TNRC6A: variants seen among roughly 807,000 people sequenced by gnomAD.
TNRC6A encodes trinucleotide repeat-containing gene 6A protein.
TNRC6A carries 44 observed loss-of-function variants against 221.2 expected under a neutral mutation model. The ratio of observed to expected loss-of-function variants is 0.20; its 90% CI spans 0.16 to 0.26. TNRC6A has a LOEUF of 0.26. Ranked by LOEUF, TNRC6A falls within the 10% of genes least tolerant of loss-of-function variation. TNRC6A has a pLI of 1.00. For synonymous variants in TNRC6A, 847 were observed against 838.5 expected (o/e 1.01, Z -0.18); for missense variants, 2,199 against 2,404.4 (o/e 0.91, Z 1.79).
intron 13 of TNRC6A, 59 bp from the exon 14 acceptor site, chr16:24,804,955 T>C: frequency 6.2e-7 from 1 of 1,614,070 alleles, no homozygotes; most frequent in South Asian, 1.1e-5. Context: ...TACAGTGTGG[T>C]AATGAGATGT....
At chr16:24,774,173 A>G (rs1048297842) in intron 4 of TNRC6A, among the ~76,000 whole-genome samples, 1 of 152,224 alleles carries the variant, frequency 6.6e-6, no homozygotes, top group East Asian at 1.9e-4. Context: ...TTAACTACAC[A>G]TAAACCATGC....
intron 5 of TNRC6A, among the ~76,000 whole-genome samples, chr16:24,779,740 A>G (rs913653837): frequency 6.6e-6 from 1 of 152,226 alleles, no homozygotes; most frequent in Non-Finnish European, 1.5e-5. Context: ...TAGCCCAGAA[A>G]CACAAACATT....
intron 4 of TNRC6A, among the ~76,000 whole-genome samples, chr16:24,761,769 G>C (rs746170045): frequency 6.6e-6 from 1 of 151,940 alleles, no homozygotes; most frequent in Admixed American, 6.6e-5. Flanking sequence ...AGACTCACAC[G>C]ATCTTCCTGC....
chr16:24,651,616 TG>T (rs1347617772), intron 2 of TNRC6A, among the ~76,000 whole-genome samples: 1 of 150,562 alleles, frequency 6.6e-6, no homozygotes, highest in Non-Finnish European at 1.5e-5. Context: ...CCCAGCACTT[TG>T]GGAGGCCATA....
At chr16:24,751,392 A>C (rs927215687) in intron 3 of TNRC6A, among the ~76,000 whole-genome samples, 2 of 152,206 alleles carry the variant, frequency 1.3e-5, no homozygotes, top group Non-Finnish European at 2.9e-5. Flanking sequence ...ATTAGCCTTA[A>C]AATAAACCTC....
chr16:24,712,375 T>A (rs1318746760), intron 2 of TNRC6A, among the ~76,000 whole-genome samples: 2 of 152,204 alleles, frequency 1.3e-5, no homozygotes, highest in African/African-American at 4.8e-5. Context: ...CTTATCATAG[T>A]CTACCCTTAA....
intron 5 of TNRC6A, among the ~76,000 whole-genome samples, chr16:24,780,078 G>T (rs142424056): frequency 6.6e-6 from 1 of 152,120 alleles, no homozygotes; most frequent in Non-Finnish European, 1.5e-5. Context: ...GAAGGCTTTG[G>T]GGGGATGACT....
intron 2 of TNRC6A, among the ~76,000 whole-genome samples, chr16:24,720,948 G>A (rs12599340): frequency 0.058 from 8,691 of 151,136 alleles, 727 homozygotes; most frequent in East Asian, 0.36. Context: ...CCAGCCACTC[G>A]GGAAGCTGAG....
chr16:24,648,850 C>T (rs1182055456), intron 2 of TNRC6A, among the ~76,000 whole-genome samples: 4 of 152,142 alleles, frequency 2.6e-5, no homozygotes, highest in African/African-American at 9.7e-5. Flanking sequence ...TAGTTTCCAC[C>T]TTATTCTCAT....
intron 4 of TNRC6A, chr16:24,776,222 C>T (rs2057715163): frequency 4.1e-6 from 4 of 972,788 alleles, no homozygotes; most frequent in Non-Finnish European, 4.9e-6. Context: ...TCTTTCTTTC[C>T]ACTCTTTTAT....
chr16:24,617,754 C>T (rs945449635), intron 1 of TNRC6A, among the ~76,000 whole-genome samples: 1 of 152,150 alleles, frequency 6.6e-6, no homozygotes, highest in African/African-American at 2.4e-5. Context: ...GTTATCTCTC[C>T]TCTGTTCTTC....
intron 2 of TNRC6A, among the ~76,000 whole-genome samples, chr16:24,716,559 C>T (rs535219407): frequency 6.6e-6 from 1 of 152,160 alleles, no homozygotes; most frequent in Admixed American, 6.5e-5. Context: ...GTCCCAGCTA[C>T]TTGGGGAGCT....
chr16:24,725,817 T>C (rs1171860923), upstream of TNRC6A, among the ~76,000 whole-genome samples: 1 of 151,642 alleles, frequency 6.6e-6, no homozygotes, highest in Non-Finnish European at 1.5e-5. Flanking sequence ...CTGGCCAACA[T>C]GGTGAAACCC....
At chr16:24,653,966 G>A (rs955521973) in intron 2 of TNRC6A, among the ~76,000 whole-genome samples, 6 of 152,124 alleles carry the variant, frequency 3.9e-5, no homozygotes, top group African/African-American at 4.8e-5. Context: ...GTGCAGTGGC[G>A]CAATCATAGC....
chr16:24,694,424 G>A (rs1312966975), intron 2 of TNRC6A, among the ~76,000 whole-genome samples: 5 of 151,698 alleles, frequency 3.3e-5, no homozygotes, highest in Admixed American at 6.6e-5. Flanking sequence ...GGGAGGCCGA[G>A]GCCGGTGGAT....
In TNRC6A at chr16:24,750,760, G is replaced by A. The variant is rs755894168; in HGVS notation, c.88G>A (p.Glu30Lys). The A allele has an allele frequency of 6.4e-7, 1 of 1,560,652 alleles. No homozygotes were observed. The highest frequency in any genetic ancestry group is 2.0e-5 in the Admixed American group (1 of 50,870). ...GCAAGAAGAAGAACAGTTGATGGAA[G>A]AAAAGAAAAAGAAAAAAGACGACAA... ...LVQEEEQLMEEKKKKKDDKKK... is the reference protein window; with the variant it reads ...LVQEEEQLMEKKKKKKDDKKK... Residue 30 changes from glutamate (E) to lysine (K), a missense_variant, in exon 3 of 25, where the codon GAA becomes AAA. Transcript: ENST00000395799.
At chr16:24,654,297 G>C (rs992935436) in intron 2 of TNRC6A, among the ~76,000 whole-genome samples, 1 of 152,194 alleles carries the variant, frequency 6.6e-6, no homozygotes, top group Non-Finnish European at 1.5e-5. Flanking sequence ...ATGCCAGAAT[G>C]CATAATCAAA....
intron 2 of TNRC6A, among the ~76,000 whole-genome samples, chr16:24,703,868 G>A (rs1399681946): frequency 6.6e-6 from 1 of 151,964 alleles, no homozygotes; most frequent in East Asian, 1.9e-4. Flanking sequence ...CAGATCACCT[G>A]AGGTCAGGAG....
At position 24,825,480 on chromosome 16, in the gene TNRC6A, G is replaced by T. The variant is rs1425718331; in HGVS notation, c.*1673G>T. On this transcript the variant is annotated 3_prime_UTR_variant, in exon 25 of 25. Coordinates refer to ENST00000395799, the MANE Select transcript of TNRC6A (RefSeq NM_014494.4). Reference sequence around the variant, plus strand: ...TCAACATTAATTGTCTCCTTTTTGTGAATTTATTTGTAGGCTCTTTTTTAT... The same window carrying T: ...TCAACATTAATTGTCTCCTTTTTGTTAATTTATTTGTAGGCTCTTTTTTAT... The T allele has an allele frequency of 1.3e-5, 2 of 152,600 alleles. No homozygotes were observed. The highest frequency in any genetic ancestry group is 4.8e-5 in the African/African-American group (2 of 41,428). The allele number at this position is 152,600 out of a possible 1,614,324, so 9.5% of individuals were successfully genotyped here.
Sources: allele counts gnomAD v4.1 joint callset (sites outside exome capture counted in the v4.1 genomes callset), GRCh38; gene constraint gnomAD v4.1.1; transcripts MANE v1.5; gene names NCBI Gene and HGNC (gene_info 2026-07-23, HGNC 2026-07-21).